The following NHERF2 variants were observed in gnomAD, a reference collection of about 807,000 sequenced individuals.
NHERF2 encodes the protein NHERF family PDZ scaffold protein 2.
At chr16:2,028,531 C>T in the NHERF2 span, among the ~76,000 whole-genome samples, 1 of 152,190 alleles carries the variant, frequency 6.6e-6, no homozygotes, top group Non-Finnish European at 1.5e-5. Context: ...GTTACTGCCC[C>T]ATTTGACAGT....
the NHERF2 span, chr16:2,026,960 C>G: frequency 1.5e-4 from 125 of 850,744 alleles, no homozygotes; most frequent in East Asian, 0.01. Flanking sequence ...CGCCCCCGAG[C>G]TCCCCCGCGC....
chr16:2,035,035 C>T, the NHERF2 span, among the ~76,000 whole-genome samples: 4 of 152,118 alleles, frequency 2.6e-5, no homozygotes, highest in Non-Finnish European at 4.4e-5. Context: ...CCTGTGGGGC[C>T]AGGGAGCCAC....
At chr16:2,030,671 G>A in the NHERF2 span, among the ~76,000 whole-genome samples, 6 of 150,668 alleles carry the variant, frequency 4.0e-5, no homozygotes, top group African/African-American at 9.8e-5. Context: ...GGGTGCGGTG[G>A]CTCACGCCTG....
chr16:2,031,235 G>A, the NHERF2 span, among the ~76,000 whole-genome samples: 1 of 152,202 alleles, frequency 6.6e-6, no homozygotes, highest in Non-Finnish European at 1.5e-5. Context: ...TTTTGTTCCT[G>A]GGGCTTGAGG....
chr16:2,029,449 T>G, the NHERF2 span: 1 of 817,086 alleles, frequency 1.2e-6, no homozygotes, highest in Non-Finnish European at 2.0e-6. Flanking sequence ...CCGGCAGGCC[T>G]CTTGGTGCAG....
the NHERF2 span, chr16:2,035,796 G>C: frequency 1.6e-6 from 1 of 610,018 alleles, no homozygotes; most frequent in Non-Finnish European, 2.1e-6. Flanking sequence ...GCCCCTGCTT[G>C]CTGGGCCCAC....
chr16:2,037,034 C>T, the NHERF2 span: 39 of 1,548,010 alleles, frequency 2.5e-5, no homozygotes, highest in East Asian at 8.6e-4. Context: ...CACAGGGTGC[C>T]TCTGGGGGTA....
At chr16:2,031,512 G>T in the NHERF2 span, among the ~76,000 whole-genome samples, 9 of 152,190 alleles carry the variant, frequency 5.9e-5, no homozygotes, top group Admixed American at 5.9e-4. Flanking sequence ...AGTGGCCCAG[G>T]CACCTTGCCT....
the NHERF2 span, among the ~76,000 whole-genome samples, chr16:2,027,896 G>A: frequency 6.6e-6 from 1 of 152,186 alleles, no homozygotes; most frequent in Admixed American, 6.5e-5. Context: ...GGCTGAGTTG[G>A]TCATTGCTGG....
At chr16:2,036,818 G>C in the NHERF2 span, 1 of 1,613,244 alleles carries the variant, frequency 6.2e-7, no homozygotes, top group Admixed American at 1.7e-5. Flanking sequence ...GCTGGTCGTG[G>C]ACCCCGAGAC....
chr16:2,036,629 G>C, the NHERF2 span: 1 of 1,547,750 alleles, frequency 6.5e-7, no homozygotes, highest in Middle Eastern at 2.0e-4. Flanking sequence ...CTGCCTCGGT[G>C]GGCGGTGGCT....
chr16:2,037,971 TCAGCA>T, the NHERF2 span: 1 of 1,613,486 alleles, frequency 6.2e-7, no homozygotes, highest in Non-Finnish European at 8.5e-7. Context: ...CGTGAAATCT[TCAGCA>T]ACTTCTGAGC....
chr16:2,031,294 G>GGGGGGGCTGGCCTTGCA, the NHERF2 span, among the ~76,000 whole-genome samples: 1 of 152,126 alleles, frequency 6.6e-6, no homozygotes, highest in South Asian at 2.1e-4. Flanking sequence ...CAGGGCTGGT[G>GGGGGGGCTGGCCTTGCA]GGGGGGCTGG....
chr16:2,031,086 C>T, the NHERF2 span, among the ~76,000 whole-genome samples: 2 of 152,326 alleles, frequency 1.3e-5, no homozygotes, highest in South Asian at 2.1e-4. Context: ...CATTCACTTT[C>T]TCCCTTTCCC....
the NHERF2 span, chr16:2,037,108 C>A: frequency 7.8e-7 from 1 of 1,284,042 alleles, no homozygotes; most frequent in Non-Finnish European, 1.1e-6. Flanking sequence ...TAGTGACACC[C>A]GATTTTAGCC....
chr16:2,032,989 T>G, the NHERF2 span: 33 of 1,135,144 alleles, frequency 2.9e-5, no homozygotes, highest in Non-Finnish European at 3.6e-5. The surrounding 1 kb of genome is among the most constrained non-coding windows in gnomAD (Gnocchi z 4.0). Flanking sequence ...GCTTCCGGGC[T>G]TCCCTGGCTC....
the NHERF2 span, chr16:2,032,991 C>T: frequency 7.9e-6 from 9 of 1,141,020 alleles, no homozygotes; most frequent in South Asian, 4.3e-5. The surrounding 1 kb of genome is among the most constrained non-coding windows in gnomAD (Gnocchi z 4.0). Context: ...TTCCGGGCTT[C>T]CCTGGCTCTT....
the NHERF2 span, chr16:2,038,260 A>G: frequency 1.8e-6 from 1 of 566,168 alleles, no homozygotes; most frequent in Non-Finnish European, 3.2e-6. Context: ...AGACAGAGAG[A>G]GAGCGAGCGA....
the NHERF2 span, among the ~76,000 whole-genome samples, chr16:2,032,478 C>T: frequency 6.6e-6 from 1 of 152,190 alleles, no homozygotes; most frequent in African/African-American, 2.4e-5. This position sits in a 1 kb window ranked among gnomAD's most constrained non-coding sequence, Gnocchi z 4.0. Flanking sequence ...GCTTACCTTG[C>T]GGGGATGGCT....
Sources: gnomAD v4.1 joint callset for allele counts (sites outside exome capture counted in the v4.1 genomes callset) on GRCh38, gnomAD v4.1.1 for gene constraint, Gnocchi (gnomAD v3.1) non-coding constraint, MANE v1.5 for transcripts, NCBI Gene and HGNC (gene_info 2026-07-23, HGNC 2026-07-21) for gene names.